ADAMTS2: variants seen among roughly 807,000 people sequenced by gnomAD.
ADAMTS2 encodes ADAM metallopeptidase with thrombospondin type 1 motif 2.
Under a neutral mutation model 123.0 loss-of-function variants are expected in ADAMTS2, and 50 were observed. The observed-to-expected ratio is 0.41, with a 90% CI of 0.32 to 0.51. The LOEUF (loss-of-function observed/expected upper bound fraction) is 0.51. Among genes scored for constraint, ADAMTS2 ranks in the 20% least tolerant of loss-of-function variants. The pLI is 0.35. For synonymous variants in ADAMTS2, 678 were observed against 695.4 expected, an observed-to-expected ratio of 0.98 and a Z score of 0.39; for missense variants, 1,494 against 1,705.2, an observed-to-expected ratio of 0.88 and a Z score of 2.18.
intron 4 of ADAMTS2, among the ~76,000 whole-genome samples, chr5:179,194,109 G>A (rs1461551923): frequency 3.3e-5 from 5 of 152,202 alleles, no homozygotes; most frequent in East Asian, 1.9e-4. Flanking sequence ...TCAGTTCCCC[G>A]CGGGAGGCCA....
At chr5:179,263,632 C>A (rs1447086754) in intron 3 of ADAMTS2, among the ~76,000 whole-genome samples, 1 of 152,242 alleles carries the variant, frequency 6.6e-6, no homozygotes, top group African/African-American at 2.4e-5. Context: ...GCGCAGCCCA[C>A]ACCTCACGGC....
At position 179,225,964 on chromosome 5, in the gene ADAMTS2, G is replaced by T. The variant is rs1458144146; in HGVS notation, c.689-18249C>A. Among the ~76,000 whole-genome samples the T allele has an allele frequency of 6.6e-6, 1 of 152,120 alleles. No homozygotes were observed. Among genetic ancestry groups the T allele is most frequent in the Non-Finnish European group, 1.5e-5 (1 of 68,032 alleles). ...AAGTAAAAGAGCACATGCAGCACACGCCCACTGGGGCTTCAGGGGCTGCAA... is the reference window on the plus strand; with the variant it reads ...AAGTAAAAGAGCACATGCAGCACACTCCCACTGGGGCTTCAGGGGCTGCAA... On this transcript the variant is annotated intron_variant, in intron 3 of 21. Transcript: ENST00000251582. This position sits in a 1 kb window ranked among gnomAD's most constrained non-coding sequence, Gnocchi z 4.5.
intron 2 of ADAMTS2, among the ~76,000 whole-genome samples, chr5:179,283,068 C>A (rs560832918): frequency 1.0e-3 from 159 of 152,116 alleles, no homozygotes; most frequent in African/African-American, 3.6e-3. Flanking sequence ...CTCCCCAGCA[C>A]CCCCCACCTG....
intron 21 of ADAMTS2, 52 bp downstream of exon 21, chr5:179,121,609 G>A: frequency 6.8e-7 from 1 of 1,470,658 alleles, no homozygotes; most frequent in South Asian, 1.2e-5. Flanking sequence ...GCTCCACAGG[G>A]CGCAGGGCAT....
intron 3 of ADAMTS2, among the ~76,000 whole-genome samples, chr5:179,261,163 A>T (rs1766212168): frequency 6.6e-6 from 1 of 152,248 alleles, no homozygotes; most frequent in South Asian, 2.1e-4. Flanking sequence ...GGCTTATCCC[A>T]ATATATAAGA....
At chr5:179,207,431 G>C in intron 4 of ADAMTS2, 82 bp downstream of exon 4, 1 of 1,450,914 alleles carries the variant, frequency 6.9e-7, no homozygotes, top group East Asian at 2.3e-5. Flanking sequence ...CAGGGGACCT[G>C]GCCCAGCTGG....
intron 2 of ADAMTS2, among the ~76,000 whole-genome samples, chr5:179,283,523 G>C (rs546514476): frequency 1.6e-4 from 4 of 25,390 alleles, no homozygotes; most frequent in Admixed American, 5.4e-4. Flanking sequence ...AGACCATATA[G>C]AAAATATGGT....
chr5:179,229,359 G>A (rs992095722), intron 3 of ADAMTS2, among the ~76,000 whole-genome samples: 1 of 93,548 alleles, frequency 1.1e-5, no homozygotes, highest in Non-Finnish European at 2.1e-5. Context: ...CACTCCCGAC[G>A]GAGAGGTAAT....
rs998680242 is a variant in ADAMTS2 at position 179,307,062 on chromosome 5, G to A, written c.535-33998C>T. On this transcript the variant is annotated intron_variant, in intron 2 of 21. Coordinates refer to ENST00000251582, the MANE Select transcript of ADAMTS2 (RefSeq NM_014244.5). The surrounding 1 kb of genome is among the most constrained non-coding windows in gnomAD (Gnocchi z 5.6). ...GAGTCCTTGGAGGTGAGGCCAGCACGTAGTAGAGGGGCAGCCGAGTAAGAA... is the reference window on the plus strand; with the variant it reads ...GAGTCCTTGGAGGTGAGGCCAGCACATAGTAGAGGGGCAGCCGAGTAAGAA... Among the ~76,000 whole-genome samples the A allele has an allele frequency of 2.0e-5, 3 of 152,144 alleles. No homozygotes were observed. Among genetic ancestry groups the A allele is most frequent in the African/African-American group, 4.8e-5 (2 of 41,444 alleles).
intron 3 of ADAMTS2, among the ~76,000 whole-genome samples, chr5:179,253,487 T>C (rs1049146373): frequency 1.3e-5 from 2 of 151,652 alleles, no homozygotes; most frequent in Non-Finnish European, 2.9e-5. Context: ...CTACAAAAAA[T>C]ACAAAAAAAT....
At chr5:179,302,024 G>A (rs1015995489) in intron 2 of ADAMTS2, among the ~76,000 whole-genome samples, 1 of 152,200 alleles carries the variant, frequency 6.6e-6, no homozygotes, top group African/African-American at 2.4e-5. Context: ...CCCTGCAGAG[G>A]AACTGCAAGC....
At chr5:179,208,472 C>G (rs546579655) in intron 3 of ADAMTS2, among the ~76,000 whole-genome samples, 1 of 152,222 alleles carries the variant, frequency 6.6e-6, no homozygotes, top group African/African-American at 2.4e-5. Flanking sequence ...CTGCAGTCGG[C>G]CCTGGGCAGG....
intron 3 of ADAMTS2, among the ~76,000 whole-genome samples, chr5:179,235,576 T>G (rs539215856): frequency 2.6e-5 from 4 of 152,140 alleles, no homozygotes; most frequent in African/African-American, 9.7e-5. Flanking sequence ...GGAACTCTCA[T>G]AGGAGAGGGC....
Position 179,113,925 on chromosome 5 carries a change from T to C in ADAMTS2, c.3578A>G (p.Gln1193Arg). ...RPSPYEKTRN[Q>R]RIQELIDEMR... ...CTCATCAATGAGCTCTTGGATTCTT[T>C]GGTTTCTGGTCTTTTCATAGGGGCT... The change falls in exon 22 of 22, where the codon CAA becomes CGA. Residue 1193 changes from glutamine (Q) to arginine (R), a missense_variant. Coordinates refer to ENST00000251582, the MANE Select transcript of ADAMTS2 (RefSeq NM_014244.5). The C allele has an allele frequency of 6.2e-7, 1 of 1,614,198 alleles. No homozygotes were observed. The highest frequency in any genetic ancestry group is 8.5e-7 in the Non-Finnish European group (1 of 1,180,038).
intron 2 of ADAMTS2, among the ~76,000 whole-genome samples, chr5:179,275,071 G>A (rs773874618): frequency 5.9e-5 from 9 of 152,136 alleles, no homozygotes; most frequent in Non-Finnish European, 1.0e-4. Flanking sequence ...TCAAGGGCAC[G>A]GTGCCCGGTG....
chr5:179,334,066 A>G (rs73335114), intron 2 of ADAMTS2, among the ~76,000 whole-genome samples: 2,306 of 152,290 alleles, frequency 0.015, 61 homozygotes, highest in African/African-American at 0.053. Context: ...GAATGGAGGG[A>G]TTGCTCCAGA....
chr5:179,329,129 C>CAT (rs1453308727), intron 2 of ADAMTS2, among the ~76,000 whole-genome samples: 1 of 152,046 alleles, frequency 6.6e-6, no homozygotes. Flanking sequence ...AGATGGAGAC[C>CAT]ATCCTGGCTA....
intron 17 of ADAMTS2, among the ~76,000 whole-genome samples, chr5:179,126,568 C>T (rs1395340889): frequency 6.6e-6 from 1 of 152,218 alleles, no homozygotes; most frequent in East Asian, 1.9e-4. Flanking sequence ...GGACATTTGG[C>T]CACGTCTGGG....
intron 2 of ADAMTS2, among the ~76,000 whole-genome samples, chr5:179,337,117 T>C (rs1283822465): frequency 6.6e-6 from 1 of 152,206 alleles, no homozygotes; most frequent in Admixed American, 6.5e-5. Context: ...GGACAGCTGA[T>C]ATTTAATATG....
Sources: gnomAD v4.1 joint callset for allele counts (sites outside exome capture counted in the v4.1 genomes callset) on GRCh38, gnomAD v4.1.1 for gene constraint, Gnocchi (gnomAD v3.1) non-coding constraint, MANE v1.5 for transcripts, NCBI Gene and HGNC (gene_info 2026-07-23, HGNC 2026-07-21) for gene names.